Variants in BMPER observed in about 807,000 individuals in gnomAD.
BMPER encodes BMP-binding endothelial regulator protein.
Under a neutral mutation model 87.3 loss-of-function variants are expected in BMPER, and 45 were observed. The ratio of observed to expected loss-of-function variants is 0.52; its 90% CI spans 0.41 to 0.66. The LOEUF (loss-of-function observed/expected upper bound fraction) is 0.66. BMPER is among the 30% of genes least tolerant of loss of function. BMPER has a pLI of 0.00. For missense variants in BMPER, 784 were observed against 867.5 expected, an observed-to-expected ratio of 0.90 and a Z score of 1.21; for synonymous variants, 326 against 316.2, an observed-to-expected ratio of 1.03 and a Z score of -0.33.
intron 2 of BMPER, among the ~76,000 whole-genome samples, chr7:33,911,971 G>C (rs912165499): frequency 2.0e-5 from 3 of 152,172 alleles, no homozygotes; most frequent in African/African-American, 7.2e-5. Flanking sequence ...TGTTACGCAT[G>C]AACAAGGTTT....
chr7:34,106,432 A>T (rs148013856), intron 13 of BMPER, among the ~76,000 whole-genome samples: 1 of 152,242 alleles, frequency 6.6e-6, no homozygotes, highest in Admixed American at 6.5e-5. Context: ...TTCAACCCCA[A>T]TGAGAAAATG....
At chr7:33,947,882 G>C (rs1329260586) in intron 3 of BMPER, among the ~76,000 whole-genome samples, 1 of 152,068 alleles carries the variant, frequency 6.6e-6, no homozygotes, top group South Asian at 2.1e-4. Context: ...CTATGTGGTT[G>C]TTTCGGAGGG....
chr7:33,963,635 A>G lies in BMPER; in HGVS notation c.320-2844A>G, dbSNP rs1318267448. ...ATGGTGAAACCCTGTCTCTACTAAA[A>G]ATACAAAAATTAGCCGGGCGTGGTG... is the stretch of plus-strand genomic sequence containing the variant. On this transcript the variant is annotated intron_variant, in intron 3 of 14. Coordinates refer to ENST00000649409, the MANE Select transcript of BMPER (RefSeq NM_001365308.1). Among the ~76,000 whole-genome samples the G allele has an allele frequency of 2.0e-5, 3 of 152,056 alleles. 1 individual carries two copies. The highest frequency in any genetic ancestry group is 7.2e-5 in the African/African-American group (3 of 41,398).
At chr7:33,989,425 T>C (rs1786127539) in intron 6 of BMPER, among the ~76,000 whole-genome samples, 1 of 152,166 alleles carries the variant, frequency 6.6e-6, no homozygotes. Context: ...TTTTGAGAAG[T>C]GTCTGTTCAT....
chr7:33,917,805 C>G (rs1784122088), intron 2 of BMPER, among the ~76,000 whole-genome samples: 1 of 152,122 alleles, frequency 6.6e-6, no homozygotes, highest in African/African-American at 2.4e-5. Flanking sequence ...ATGCTGTCGG[C>G]ATAGGGCAAG....
At chr7:33,974,303 C>A (rs1470588350) in intron 5 of BMPER, among the ~76,000 whole-genome samples, 2 of 152,082 alleles carry the variant, frequency 1.3e-5, no homozygotes, top group Non-Finnish European at 2.9e-5. Flanking sequence ...AATGGGGCCC[C>A]TGGTGTCATC....
chr7:33,942,745 T>C (rs1784798223), intron 3 of BMPER, among the ~76,000 whole-genome samples: 1 of 152,210 alleles, frequency 6.6e-6, no homozygotes, highest in African/African-American at 2.4e-5. Context: ...AGAAATCTCT[T>C]TACCTTTTGT....
chr7:34,022,298 G>T (rs765049556), intron 6 of BMPER, among the ~76,000 whole-genome samples: 6 of 151,966 alleles, frequency 3.9e-5, no homozygotes, highest in Non-Finnish European at 5.9e-5. Flanking sequence ...TTCTTCTAGG[G>T]ATCATTTCCC....
chr7:34,082,331 T>TTTTG lies in BMPER; in HGVS notation c.1408+3148_1408+3149insGTTT, dbSNP rs772864799. ...TTCCCTCAATTACAACTTATTAGTTTTTTTTTTTTTTTTTTTGGTCTTTCA... is the reference window on the plus strand; with the variant it reads ...TTCCCTCAATTACAACTTATTAGTTTTTTGTTTTTTTTTTTTTTTTGGTCTTTCA... On this transcript the variant is annotated intron_variant, in intron 12 of 14. Transcript: ENST00000649409. 7.3e-5 allele frequency among the ~76,000 whole-genome samples: 11 copies of TTTTG among 149,794 alleles called. 1 individual carries two copies. Among genetic ancestry groups the TTTTG allele is most frequent in the Non-Finnish European group, 1.3e-4 (9 of 67,450 alleles).
chr7:34,068,572 C>CAA (rs912210573), intron 11 of BMPER, among the ~76,000 whole-genome samples: 1 of 59,776 alleles, frequency 1.7e-5, no homozygotes, highest in Non-Finnish European at 3.3e-5. Flanking sequence ...AGCTCACTGA[C>CAA]AAACTGGCTT....
chr7:34,135,951 C>T (rs962532680), intron 13 of BMPER, among the ~76,000 whole-genome samples: 49 of 152,238 alleles, frequency 3.2e-4, no homozygotes, highest in Middle Eastern at 6.8e-3. Context: ...GCTGGACTCC[C>T]GTTCCAGGTA....
At chr7:33,916,729 T>C (rs1784094163) in intron 2 of BMPER, among the ~76,000 whole-genome samples, 1 of 152,210 alleles carries the variant, frequency 6.6e-6, no homozygotes, top group Non-Finnish European at 1.5e-5. Context: ...GATGGTGTCT[T>C]AAAGTGTAAG....
intron 13 of BMPER, among the ~76,000 whole-genome samples, chr7:34,099,655 C>G (rs1019783703): frequency 6.6e-6 from 1 of 152,164 alleles, no homozygotes; most frequent in African/African-American, 2.4e-5. Flanking sequence ...TAAGATAATA[C>G]ACATTCATGT....
chr7:33,991,202 T>C (rs1331849335), intron 6 of BMPER, among the ~76,000 whole-genome samples: 1 of 150,532 alleles, frequency 6.6e-6, no homozygotes, highest in African/African-American at 2.4e-5. Flanking sequence ...TACCAGTTCC[T>C]CCTTGTACCT....
chr7:34,128,776 C>A (rs1171048501), intron 13 of BMPER, among the ~76,000 whole-genome samples: 1 of 152,120 alleles, frequency 6.6e-6, no homozygotes, highest in East Asian at 1.9e-4. Context: ...TATAAGAAAA[C>A]TTCCTGAGAG....
chr7:34,009,540 A>C (rs1786824047), intron 6 of BMPER, among the ~76,000 whole-genome samples: 1 of 151,966 alleles, frequency 6.6e-6, no homozygotes, highest in Non-Finnish European at 1.5e-5. Context: ...CTGTTGGGGA[A>C]TATCATTACT....
chr7:34,113,042 A>G (rs1790022406), intron 13 of BMPER, among the ~76,000 whole-genome samples: 1 of 151,606 alleles, frequency 6.6e-6, no homozygotes, highest in South Asian at 2.1e-4. Context: ...ACAAAATATA[A>G]ATATATATCA....
chr7:33,963,618 A>G (rs927398643), intron 3 of BMPER, among the ~76,000 whole-genome samples: 3 of 152,032 alleles, frequency 2.0e-5, no homozygotes, highest in African/African-American at 7.2e-5. Context: ...ACATGGTGAA[A>G]CCCTGTCTCT....
intron 3 of BMPER, among the ~76,000 whole-genome samples, chr7:33,959,878 C>G: frequency 6.6e-6 from 1 of 152,130 alleles, no homozygotes; most frequent in East Asian, 1.9e-4. Flanking sequence ...ATTAGAAATC[C>G]AAGCAAGTCA....
Sources: allele counts gnomAD v4.1 joint callset (sites outside exome capture counted in the v4.1 genomes callset), GRCh38; gene constraint gnomAD v4.1.1; transcripts MANE v1.5; gene names NCBI Gene and HGNC (gene_info 2026-07-23, HGNC 2026-07-21).